Variants in F13A1 observed in about 807,000 individuals in gnomAD.
F13A1 encodes the protein FSF, A subunit.
In F13A1, 47 loss-of-function variants were observed where a neutral mutation model predicts 80.1. That is an observed-to-expected ratio of 0.59 (90% CI 0.46 to 0.75). The LOEUF is 0.75. Among genes scored for constraint, F13A1 ranks in the 30% least tolerant of loss-of-function variants. F13A1 has a pLI of 0.00. For synonymous variants in F13A1, 349 were observed against 344.9 expected, an observed-to-expected ratio of 1.01 and a Z score of -0.13; for missense variants, 817 against 930.4, an observed-to-expected ratio of 0.88 and a Z score of 1.59.
In F13A1 at chr6:6,197,342, C is replaced by A; in HGVS notation, c.1113-16G>T. ...GTGGTAGTTCCTTAGAAAACACAAG[C>A]CCAGAAAGGTTAAACTTCCCATCAC... On this transcript the variant is annotated splice_polypyrimidine_tract_variant and intron_variant, in intron 8 of 14. Coordinates refer to ENST00000264870, the MANE Select transcript of F13A1 (RefSeq NM_000129.4). The A allele has an allele frequency of 6.2e-7, 1 of 1,611,124 alleles. No homozygotes were observed. The highest frequency in any genetic ancestry group is 1.7e-4 in the Middle Eastern group (1 of 5,938).
chr6:6,185,996 G>GT (rs1186535655), intron 10 of F13A1, among the ~76,000 whole-genome samples: 1 of 150,878 alleles, frequency 6.6e-6, no homozygotes, highest in Non-Finnish European at 1.5e-5. Context: ...TTTTTCATGT[G>GT]TTTTTTGGCT....
intron 1 of F13A1, among the ~76,000 whole-genome samples, chr6:6,319,985 G>T (rs1344886756): frequency 2.0e-5 from 3 of 152,234 alleles, no homozygotes; most frequent in Non-Finnish European, 2.9e-5. Context: ...CATTGCCAGG[G>T]GTGCAGAACA....
At chr6:6,233,852 T>G (rs1757382912) in intron 6 of F13A1, among the ~76,000 whole-genome samples, 1 of 152,130 alleles carries the variant, frequency 6.6e-6, no homozygotes, top group African/African-American at 2.4e-5. Context: ...AAAAATCACA[T>G]GATCATCTCA....
intron 13 of F13A1, among the ~76,000 whole-genome samples, chr6:6,163,596 G>A (rs187144540): frequency 7.2e-5 from 11 of 152,222 alleles, no homozygotes; most frequent in Non-Finnish European, 1.6e-4. Flanking sequence ...GCAGTATTCG[G>A]TTTTCTCTTC....
At chr6:6,160,106 G>A (rs1310902354) in intron 13 of F13A1, among the ~76,000 whole-genome samples, 1 of 151,690 alleles carries the variant, frequency 6.6e-6, no homozygotes, top group African/African-American at 2.4e-5. Context: ...GTGAAACCCT[G>A]TCTCTACTAA....
chr6:6,189,648 C>A (rs1022766861), intron 10 of F13A1, among the ~76,000 whole-genome samples: 1 of 143,076 alleles, frequency 7.0e-6, no homozygotes, highest in African/African-American at 2.5e-5. Flanking sequence ...TCTCTGGCTG[C>A]CCTTAACATT....
intron 8 of F13A1, among the ~76,000 whole-genome samples, chr6:6,208,855 C>A (rs180829013): frequency 6.6e-6 from 1 of 152,156 alleles, no homozygotes; most frequent in Non-Finnish European, 1.5e-5. Context: ...AATCCCAGAC[C>A]TAGATGTAAG....
intron 3 of F13A1, among the ~76,000 whole-genome samples, chr6:6,271,166 G>A (rs1757915143): frequency 6.6e-6 from 1 of 152,224 alleles, no homozygotes; most frequent in Admixed American, 6.5e-5. Flanking sequence ...GGTTAGGAAT[G>A]TGGAACCTGA....
At chr6:6,207,893 A>G (rs1761522990) in intron 8 of F13A1, among the ~76,000 whole-genome samples, 1 of 152,146 alleles carries the variant, frequency 6.6e-6, no homozygotes, top group African/African-American at 2.4e-5. Context: ...AGCAGCAAAA[A>G]CAACAACAAC....
chr6:6,145,479 G>T lies in F13A1; in HGVS notation c.*140C>A. Reference sequence around the variant, plus strand: ...AAAAGCATGTTTTTGAAATATGTGGGATCTCCACTCTGGAGCCCTCTGCAG... The same window carrying T: ...AAAAGCATGTTTTTGAAATATGTGGTATCTCCACTCTGGAGCCCTCTGCAG... On this transcript the variant is annotated 3_prime_UTR_variant, in exon 15 of 15. Coordinates refer to ENST00000264870, the MANE Select transcript of F13A1 (RefSeq NM_000129.4). 2 of 1,035,792 alleles carry T rather than the reference G, an allele frequency of 1.9e-6. No individual in the cohort carries two copies. The highest frequency in any genetic ancestry group is 3.0e-6 in the Non-Finnish European group (2 of 671,606). The allele number at this position is 1,035,792 out of a possible 1,614,324, so 64.2% of individuals were successfully genotyped here.
rs183234036 is a variant in F13A1 at position 6,212,618 on chromosome 6, G to C, written c.1112+9415C>G. Among the ~76,000 whole-genome samples, 565 of 152,342 alleles carry C rather than the reference G, an allele frequency of 3.7e-3. 5 individuals are homozygous for C. Among genetic ancestry groups the C allele is most frequent in the South Asian group, 0.018 (85 of 4,824 alleles). ...AAAACTGGAAACTCTAAAAAGCAGA[G>C]CGCCTCTCCTCCTCCAAAGGAATGC... On this transcript the variant is annotated intron_variant, in intron 8 of 14. Transcript: ENST00000264870.
Position 6,197,312 on chromosome 6 carries a change from C to T in F13A1, c.1127G>A (p.Trp376Ter). Residue 376 changes from tryptophan to a stop codon, truncating the protein, a stop_gained, in exon 9 of 15, where the codon TGG (tryptophan) becomes TAG (stop). Transcript: ENST00000264870. LOFTEE classifies it high-confidence loss of function. Reference sequence around the variant, plus strand: ...AGGCCTTGTCATCCATGCTTCATTCCAGCAGTGGTAGTTCCTTAGAAAACA... The same window carrying T: ...AGGCCTTGTCATCCATGCTTCATTCTAGCAGTGGTAGTTCCTTAGAAAACA... ...TKDSVWNYHC[W>*]NEAWMTRPDL... is the part of the protein sequence containing the mutation. 1.2e-6 allele frequency: 2 copies of T among 1,614,150 alleles called. No homozygotes were observed. Among genetic ancestry groups the T allele is most frequent in the South Asian group, 1.1e-5 (1 of 91,086 alleles).
intron 11 of F13A1, among the ~76,000 whole-genome samples, chr6:6,180,508 T>C (rs530984954): frequency 5.9e-5 from 9 of 152,362 alleles, no homozygotes; most frequent in African/African-American, 1.7e-4. Context: ...GCAGCTAACT[T>C]TTCTATGAAC....
At chr6:6,295,038 TC>T in intron 3 of F13A1, among the ~76,000 whole-genome samples, 1 of 145,614 alleles carries the variant, frequency 6.9e-6, no homozygotes, top group African/African-American at 2.8e-5. Context: ...AATGATGATT[TC>T]CAATTTCATC....
chr6:6,307,001 G>C (rs1236548104), intron 2 of F13A1, among the ~76,000 whole-genome samples: 1 of 152,232 alleles, frequency 6.6e-6, no homozygotes, highest in African/African-American at 2.4e-5. Context: ...AGGCAATCCT[G>C]AGTTTGAATC....
intron 3 of F13A1, among the ~76,000 whole-genome samples, chr6:6,283,889 C>A (rs1758100078): frequency 6.6e-6 from 1 of 152,182 alleles, no homozygotes; most frequent in South Asian, 2.1e-4. Context: ...ATAGAACTAA[C>A]TGCTGAGGAG....
chr6:6,283,971 C>G (rs563666039), intron 3 of F13A1, among the ~76,000 whole-genome samples: 3 of 152,164 alleles, frequency 2.0e-5, no homozygotes, highest in South Asian at 2.1e-4. Context: ...GAAATCAACT[C>G]GCAAGGGGTT....
At chr6:6,225,590 C>T (rs1322441540) in intron 6 of F13A1, among the ~76,000 whole-genome samples, 12 of 152,070 alleles carry the variant, frequency 7.9e-5, no homozygotes, top group African/African-American at 2.9e-4. Context: ...TCACTGTAGC[C>T]TCGAACTCTT....
At chr6:6,302,686 T>G (rs897195944) in intron 3 of F13A1, among the ~76,000 whole-genome samples, 2 of 140,328 alleles carry the variant, frequency 1.4e-5, no homozygotes, top group African/African-American at 6.2e-5. Flanking sequence ...CACTATAAAC[T>G]TAGGCTACAG....
Sources: gnomAD v4.1 joint callset for allele counts (sites outside exome capture counted in the v4.1 genomes callset) on GRCh38, gnomAD v4.1.1 for gene constraint, MANE v1.5 for transcripts, NCBI Gene and HGNC (gene_info 2026-07-23, HGNC 2026-07-21) for gene names.